Variants in EEA1 observed in about 807,000 individuals in gnomAD.
The protein encoded by EEA1 is early endosome antigen 1.
In EEA1, 111 loss-of-function variants were observed where a neutral mutation model predicts 209.2. That is an observed-to-expected ratio of 0.53 (90% CI 0.45 to 0.62). The LOEUF (loss-of-function observed/expected upper bound fraction) is 0.62, where lower values mean the gene tolerates loss of function less well. EEA1 is among the 20% of genes least tolerant of loss of function. EEA1 has a pLI of 0.00. For missense variants in EEA1, 1,343 were observed against 1,530.8 expected (o/e 0.88, Z 2.05); for synonymous variants, 536 against 540.6 (o/e 0.99, Z 0.12).
At chr12:92,856,764 ATT>A (rs1251421165) in intron 5 of EEA1, among the ~76,000 whole-genome samples, 11 of 95,460 alleles carry the variant, frequency 1.2e-4, no homozygotes, top group Non-Finnish European at 2.0e-4. Context: ...TAGATACCTG[ATT>A]CTTTTTTTTT....
At chr12:92,778,236 G>T (rs903723341) in intron 25 of EEA1, 57 bp from the exon 26 acceptor site, 5 of 1,373,374 alleles carry the variant, frequency 3.6e-6, no homozygotes, top group Admixed American at 3.9e-5. Flanking sequence ...CAAAATAAAT[G>T]TAAGTGATTT....
intron 2 of EEA1, among the ~76,000 whole-genome samples, chr12:92,878,236 C>T (rs1007273184): frequency 2.0e-5 from 3 of 151,636 alleles, no homozygotes; most frequent in Non-Finnish European, 4.4e-5. Flanking sequence ...CCCCTCGCTA[C>T]AAGAAAATTA....
rs965199661 is a variant in EEA1 at position 92,774,803 on chromosome 12, T to A, written c.*1208A>T. ...AAGTTAAAATTAAAACTGGGAACAG[T>A]TGACATGGAACACCAAATTCAGAAC... On this transcript the variant is annotated 3_prime_UTR_variant, in exon 29 of 29. Transcript: ENST00000322349. The A allele has an allele frequency of 2.0e-5, 3 of 151,644 alleles. No homozygotes were observed. Among genetic ancestry groups the A allele is most frequent in the African/African-American group, 7.2e-5 (3 of 41,394 alleles). The allele number at this position is 151,644 out of a possible 1,614,324, so 9.4% of individuals were successfully genotyped here.
intron 1 of EEA1, among the ~76,000 whole-genome samples, chr12:92,899,373 C>T (rs1371167159): frequency 3.9e-5 from 6 of 152,242 alleles, no homozygotes; most frequent in Admixed American, 3.9e-4. Context: ...AGAGGCTGCA[C>T]TTTATTGCCA....
intron 23 of EEA1, 151 bp from the exon 24 acceptor site, chr12:92,780,562 C>G: frequency 3.8e-6 from 2 of 531,906 alleles, no homozygotes; most frequent in Non-Finnish European, 3.2e-6. Flanking sequence ...TGGTTCTTGG[C>G]TGTTTCCTTA....
rs368724834 is a variant in EEA1, at chr12:92,827,926, G to A, written c.1390C>T (p.Arg464Trp). 15 of 1,561,734 alleles carry A rather than the reference G, an allele frequency of 9.6e-6. No individual in the cohort carries two copies. The highest frequency in any genetic ancestry group is 1.0e-5 in the Non-Finnish European group (12 of 1,157,584). Residue 464 changes from arginine to tryptophan, a missense_variant, in exon 12 of 29, where the codon CGG (arginine) becomes TGG (tryptophan). By Grantham distance (101) the Arg-to-Trp change is moderately radical. Around this residue, in one of 3 missense-constraint regions of EEA1, gnomAD observed 1,307 missense variants for 1,465.5 expected, o/e 0.89. Coordinates refer to ENST00000322349, the MANE Select transcript of EEA1 (RefSeq NM_003566.4). ...QVADLQLKLS[R>W]LEEQLKEKVT... ...TGCTAGCTTACCTGCTCTTCTAACCGAGAAAGTTTGAGTTGTAAATCAGCC... is the reference window on the plus strand; with the variant it reads ...TGCTAGCTTACCTGCTCTTCTAACCAAGAAAGTTTGAGTTGTAAATCAGCC...
chr12:92,827,260 G>C (rs1371563247), intron 12 of EEA1, among the ~76,000 whole-genome samples: 1 of 151,918 alleles, frequency 6.6e-6, no homozygotes. Flanking sequence ...AGACTGAGGT[G>C]GGATAATTGC....
chr12:92,847,770 G>C (rs1181354664), intron 9 of EEA1, among the ~76,000 whole-genome samples: 1 of 152,102 alleles, frequency 6.6e-6, no homozygotes, highest in Non-Finnish European at 1.5e-5. Flanking sequence ...GTGTGACCTT[G>C]AACAATTTAC....
intron 2 of EEA1, among the ~76,000 whole-genome samples, chr12:92,874,008 A>C (rs986880414): frequency 3.9e-5 from 6 of 152,150 alleles, no homozygotes; most frequent in African/African-American, 1.4e-4. Context: ...ACTACAGAAC[A>C]ATTCTTCTTT....
intron 1 of EEA1, among the ~76,000 whole-genome samples, chr12:92,904,162 T>C (rs1189936982): frequency 2.6e-5 from 4 of 152,092 alleles, no homozygotes; most frequent in Non-Finnish European, 5.9e-5. Context: ...GGTTTCTCCA[T>C]GTTGGTCAGG....
intron 13 of EEA1, among the ~76,000 whole-genome samples, chr12:92,823,403 C>A (rs1017853383): frequency 1.3e-5 from 2 of 152,188 alleles, no homozygotes; most frequent in Non-Finnish European, 2.9e-5. Flanking sequence ...GCTTCAGTAT[C>A]CTTTATCCTT....
At chr12:92,854,034 T>C in intron 5 of EEA1, 80 bp from the exon 6 acceptor site, 1 of 1,150,368 alleles carries the variant, frequency 8.7e-7, no homozygotes, top group Non-Finnish European at 1.2e-6. Context: ...TTAAAAAATC[T>C]CTGAAAGTCA....
chr12:92,840,576 T>C (rs1877124974), intron 10 of EEA1, among the ~76,000 whole-genome samples: 1 of 152,176 alleles, frequency 6.6e-6, no homozygotes, highest in Non-Finnish European at 1.5e-5. Context: ...CCTCCCAAAG[T>C]GCTGGGATTA....
In EEA1 at chr12:92,819,386, A is replaced by G. The variant is rs1414901252; in HGVS notation, c.1650T>C (p.Tyr550=). 1.2e-6 allele frequency: 2 copies of G among 1,613,040 alleles called. No homozygotes were observed. Among genetic ancestry groups the G allele is most frequent in the Non-Finnish European group, 8.5e-7 (1 of 1,179,478 alleles). The change falls in exon 14 of 29, where the codon TAT becomes TAC. Residue 550 remains tyrosine (Y), a synonymous_variant. Transcript: ENST00000322349. Reference sequence around the variant, plus strand: ...CTCCTTCACCAGCCTGAATTTTTGCATAAAGATCTTCTCTTTCTTTTTCTA... The same window carrying G: ...CTCCTTCACCAGCCTGAATTTTTGCGTAAAGATCTTCTCTTTCTTTTTCTA... ...SLLEKEREDL[Y]AKIQAGEGET... is the part of the protein sequence containing the mutation.
intron 1 of EEA1, among the ~76,000 whole-genome samples, chr12:92,923,435 T>C (rs1359735445): frequency 1.3e-5 from 2 of 152,202 alleles, no homozygotes; most frequent in African/African-American, 2.4e-5. Context: ...AAACATCCCA[T>C]CCACATCCAG....
chr12:92,893,005 T>C (rs1879724103), intron 1 of EEA1, among the ~76,000 whole-genome samples: 1 of 152,118 alleles, frequency 6.6e-6, no homozygotes, highest in Non-Finnish European at 1.5e-5. Context: ...GCAGCCCAAG[T>C]TATCAAGTCC....
chr12:92,917,424 A>T (rs1383713231), intron 1 of EEA1, among the ~76,000 whole-genome samples: 1 of 149,614 alleles, frequency 6.7e-6, no homozygotes, highest in Non-Finnish European at 1.5e-5. Context: ...GCCAGAAGAG[A>T]GTGGGGGCCA....
chr12:92,902,196 CA>C (rs901169167), intron 1 of EEA1, among the ~76,000 whole-genome samples: 4 of 150,202 alleles, frequency 2.7e-5, no homozygotes, highest in Non-Finnish European at 5.9e-5. Context: ...CTTGTCTCCA[CA>C]AAAAAAAGAA....
At chr12:92,823,102 T>C (rs1876131906) in intron 13 of EEA1, among the ~76,000 whole-genome samples, 1 of 152,352 alleles carries the variant, frequency 6.6e-6, no homozygotes. Context: ...ATTTTTCATC[T>C]GAACTGCTGC....
Sources: gnomAD v4.1 joint callset for allele counts (sites outside exome capture counted in the v4.1 genomes callset) on GRCh38, gnomAD v4.1.1 for gene constraint, gnomAD v4.1.1 regional missense constraint, MANE v1.5 for transcripts, NCBI Gene and HGNC (gene_info 2026-07-23, HGNC 2026-07-21) for gene names.